NDUFS1: variants seen among roughly 807,000 people sequenced by gnomAD.
NDUFS1 encodes NADH:ubiquinone oxidoreductase core subunit S1.
Under a neutral mutation model 84.4 loss-of-function variants are expected in NDUFS1, and 61 were observed. The ratio of observed to expected loss-of-function variants is 0.72; its 90% CI spans 0.59 to 0.89. The LOEUF is 0.89. NDUFS1 is among the 40% of genes least tolerant of loss of function. NDUFS1 has a pLI of 0.00. For missense variants in NDUFS1, 891 were observed against 890.0 expected, an observed-to-expected ratio of 1.00 and a Z score of -0.01; for synonymous variants, 275 against 290.0, an observed-to-expected ratio of 0.95 and a Z score of 0.53.
chr2:206,140,930 A>ATATATATACACACACATATACAC (rs1691915561), intron 12 of NDUFS1, among the ~76,000 whole-genome samples: 3 of 134,734 alleles, frequency 2.2e-5, no homozygotes, highest in African/African-American at 8.9e-5. Context: ...GTGTATATAT[A>ATATATATACACACACATATACAC]TATATATATA....
At chr2:206,155,012 C>T (rs1687592413) in intron 1 of NDUFS1, among the ~76,000 whole-genome samples, 1 of 150,380 alleles carries the variant, frequency 6.6e-6, no homozygotes, top group South Asian at 2.1e-4. Flanking sequence ...TCATTGTAAC[C>T]TCTGCCTCCT....
At chr2:206,137,909 T>C (rs553458311) in intron 13 of NDUFS1, among the ~76,000 whole-genome samples, 114 of 152,344 alleles carry the variant, frequency 7.5e-4, no homozygotes, top group Middle Eastern at 3.4e-3. Flanking sequence ...TCAAGAAAAT[T>C]AAACTCTGGC....
At position 206,149,933 on chromosome 2, in the gene NDUFS1, T is replaced by TA. The variant is rs568965659; in HGVS notation, c.154-9dup. The TA allele has an allele frequency of 0.011, 6,461 of 603,132 alleles. 127 individuals are homozygous for TA. Among genetic ancestry groups the TA allele is most frequent in the African/African-American group, 0.018 (536 of 29,080 alleles). 37.4% of individuals were successfully genotyped at this position (603,132 alleles called of 1,614,324 possible). ...GCCAACCTTCTCACAAGCCTAGAAGTAAAAAAAAAAAAAAAAAAAAAAAAA... is the reference window on the plus strand; with the variant it reads ...GCCAACCTTCTCACAAGCCTAGAAGTAAAAAAAAAAAAAAAAAAAAAAAAAA... On this transcript the variant is annotated splice_polypyrimidine_tract_variant and intron_variant, in intron 3 of 18. Coordinates refer to ENST00000233190, the MANE Select transcript of NDUFS1 (RefSeq NM_005006.7).
intron 1 of NDUFS1, 163 bp downstream of exon 1, chr2:206,159,178 C>T (rs1687807996): frequency 6.5e-7 from 1 of 1,534,316 alleles, no homozygotes. Context: ...CTAAAAGCCC[C>T]CCATCTGCCG....
At chr2:206,154,888 G>T (rs1192844697) in intron 1 of NDUFS1, among the ~76,000 whole-genome samples, 2 of 146,490 alleles carry the variant, frequency 1.4e-5, no homozygotes, top group African/African-American at 5.1e-5. Flanking sequence ...CTCCCAAAGT[G>T]TTGGGGTTAA....
chr2:206,145,314 C>T (rs369998985), intron 8 of NDUFS1, among the ~76,000 whole-genome samples: 58 of 151,938 alleles, frequency 3.8e-4, no homozygotes, highest in Non-Finnish European at 7.6e-4. Flanking sequence ...TTTGTAGAGC[C>T]GGTGTCTCAT....
At chr2:206,147,330 G>A (rs1026817018) in intron 7 of NDUFS1, among the ~76,000 whole-genome samples, 16 of 152,132 alleles carry the variant, frequency 1.1e-4, no homozygotes, top group Non-Finnish European at 2.1e-4. Flanking sequence ...GAAAGCAAAT[G>A]CTTATAGATT....
At chr2:206,131,186 G>T (rs1286460147) in intron 14 of NDUFS1, among the ~76,000 whole-genome samples, 1 of 152,100 alleles carries the variant, frequency 6.6e-6, no homozygotes, top group Non-Finnish European at 1.5e-5. Context: ...GCTCAGAAAT[G>T]GTTATCCTGT....
chr2:206,141,696 T>A (rs1691966128), intron 12 of NDUFS1, among the ~76,000 whole-genome samples: 1 of 148,250 alleles, frequency 6.7e-6, no homozygotes. Flanking sequence ...ATCGAGACCA[T>A]CCTGGCTAAC....
intron 9 of NDUFS1, 123 bp downstream of exon 9, chr2:206,144,769 C>T (rs998763044): frequency 7.0e-6 from 7 of 993,012 alleles, no homozygotes; most frequent in South Asian, 3.2e-5. Flanking sequence ...ATATAAGCAA[C>T]TCAGATTCCA....
In NDUFS1 at chr2:206,142,813, T is replaced by C. The variant is rs1350334967; in HGVS notation, c.1006A>G (p.Lys336Glu). 1 of 1,614,148 alleles carries C rather than the reference T, an allele frequency of 6.2e-7. No homozygotes were observed. Among genetic ancestry groups the C allele is most frequent in the South Asian group, 1.1e-5 (1 of 91,076 alleles). Residue 336 changes from lysine to glutamate, a missense_variant, in exon 11 of 19, where the codon AAA becomes GAA. Transcript: ENST00000233190. ...CCACCTGCAATTGCTGCCACATCTT[T>C]GCCTTGAAAACTCTGCAACTAGAAA... Reference protein sequence around the residue: ...VAGMLQSFQGKDVAAIAGGLV... With the variant: ...VAGMLQSFQGEDVAAIAGGLV...
At chr2:206,128,556 T>C (rs1441828995) in intron 15 of NDUFS1, among the ~76,000 whole-genome samples, 1 of 151,754 alleles carries the variant, frequency 6.6e-6, no homozygotes, top group Non-Finnish European at 1.5e-5. Context: ...GGTGGACAGA[T>C]GACTTGAGGC....
rs1269105060 is a variant in NDUFS1 at position 206,123,427 on chromosome 2, A to G, written c.*758T>C. 2 of 152,118 alleles carry G rather than the reference A, an allele frequency of 1.3e-5. No homozygotes were observed. Among genetic ancestry groups the G allele is most frequent in the Non-Finnish European group, 2.9e-5 (2 of 68,024 alleles). 9.4% of individuals were successfully genotyped at this position (152,118 alleles called of 1,614,324 possible). ...AAATGTGTTCACCATTAAACTCAAT[A>G]CTAATTTTTAGAAGTAACAACCTAT... On this transcript the variant is annotated 3_prime_UTR_variant, in exon 19 of 19. Coordinates refer to ENST00000233190, the MANE Select transcript of NDUFS1 (RefSeq NM_005006.7).
intron 13 of NDUFS1, among the ~76,000 whole-genome samples, chr2:206,135,930 G>A (rs1487671846): frequency 6.6e-6 from 1 of 152,016 alleles, no homozygotes; most frequent in Admixed American, 6.6e-5. Flanking sequence ...GGAACCACAA[G>A]GAGAAGGACA....
intron 8 of NDUFS1, among the ~76,000 whole-genome samples, chr2:206,145,947 G>A (rs1451368144): frequency 6.6e-6 from 1 of 152,140 alleles, no homozygotes; most frequent in Non-Finnish European, 1.5e-5. Flanking sequence ...CCTAACAGAG[G>A]CTGCTACATG....
At chr2:206,138,319 G>A (rs1259706965) in intron 13 of NDUFS1, among the ~76,000 whole-genome samples, 166 bp downstream of exon 13, 1 of 152,232 alleles carries the variant, frequency 6.6e-6, no homozygotes, top group Non-Finnish European at 1.5e-5. Flanking sequence ...GACCTCAGGT[G>A]ATCCACCTGC....
rs541101676 is a variant in NDUFS1, at chr2:206,154,989, G to A, written c.-4-1307C>T. Reference sequence around the variant, plus strand: ...TGCCCAGGCTGGAGTGAGTGCAGTGGCACGATCTCAGCTCATTGTAACCTC... The same window carrying A: ...TGCCCAGGCTGGAGTGAGTGCAGTGACACGATCTCAGCTCATTGTAACCTC... On this transcript the variant is annotated intron_variant, in intron 1 of 18. Coordinates refer to ENST00000233190, the MANE Select transcript of NDUFS1 (RefSeq NM_005006.7). 3.3e-5 allele frequency among the ~76,000 whole-genome samples: 5 copies of A among 149,648 alleles called. No individual in the cohort carries two copies. The South Asian group carries it at 1.1e-3, about 32-fold the overall frequency.
intron 1 of NDUFS1, 30 bp from the exon 2 acceptor site, chr2:206,153,712 G>A: frequency 8.1e-7 from 1 of 1,232,008 alleles, no homozygotes; most frequent in Non-Finnish European, 1.2e-6. Flanking sequence ...TTATATTATT[G>A]TAGGGAAAAA....
At chr2:206,156,135 C>T (rs554368230) in intron 1 of NDUFS1, among the ~76,000 whole-genome samples, 332 of 151,538 alleles carry the variant, frequency 2.2e-3, no homozygotes, top group African/African-American at 7.8e-3. Flanking sequence ...TGGTGGCAGG[C>T]GCCTGTAGTC....
Sources: allele counts gnomAD v4.1 joint callset (sites outside exome capture counted in the v4.1 genomes callset), GRCh38; gene constraint gnomAD v4.1.1; transcripts MANE v1.5; gene names NCBI Gene and HGNC (gene_info 2026-07-23, HGNC 2026-07-21).